The following ANGPT1 variants were observed in gnomAD, a reference collection of about 807,000 sequenced individuals.
ANGPT1 encodes the protein angiopoietin-1.
A neutral mutation model predicts 62.2 loss-of-function variants in ANGPT1; 17 were observed. That is an observed-to-expected ratio of 0.27 (90% CI 0.19 to 0.41). The LOEUF is 0.41. Ranked by LOEUF, ANGPT1 falls within the 10% of genes least tolerant of loss-of-function variation. The pLI is 1.00. For missense variants in ANGPT1, 478 were observed against 594.9 expected (o/e 0.80, Z 2.04); for synonymous variants, 199 against 198.9 (o/e 1.00, Z 0.00).
At chr8:107,290,207 G>T (rs563207122) in intron 6 of ANGPT1, among the ~76,000 whole-genome samples, 1 of 152,196 alleles carries the variant, frequency 6.6e-6, no homozygotes, top group Admixed American at 6.5e-5. Context: ...ACATGTGATG[G>T]AAATCTTATG....
intron 1 of ANGPT1, among the ~76,000 whole-genome samples, chr8:107,385,130 GTCGTTTGT>G (rs924556436): frequency 6.0e-5 from 9 of 149,338 alleles, no homozygotes; most frequent in African/African-American, 1.7e-4. Context: ...GTTTTGGAAT[GTCGTTTGT>G]TTGTTTGTTT....
At chr8:107,290,440 G>A (rs1008923525) in intron 6 of ANGPT1, among the ~76,000 whole-genome samples, 1 of 152,136 alleles carries the variant, frequency 6.6e-6, no homozygotes, top group Non-Finnish European at 1.5e-5. Context: ...CTGAAGAAGT[G>A]AGCAGGCAGT....
intron 3 of ANGPT1, among the ~76,000 whole-genome samples, chr8:107,328,351 G>A (rs1815337798): frequency 6.6e-6 from 1 of 151,774 alleles, no homozygotes; most frequent in Non-Finnish European, 1.5e-5. Flanking sequence ...TATTTGTTTG[G>A]AAATTCAAAT....
intron 2 of ANGPT1, among the ~76,000 whole-genome samples, chr8:107,338,578 T>C (rs1338483598): frequency 6.6e-6 from 1 of 152,240 alleles, no homozygotes; most frequent in Non-Finnish European, 1.5e-5. Flanking sequence ...GTCTAAAATG[T>C]ACTACTACTA....
intron 1 of ANGPT1, among the ~76,000 whole-genome samples, chr8:107,460,858 T>C (rs950380211): frequency 1.3e-5 from 2 of 152,182 alleles, no homozygotes; most frequent in Non-Finnish European, 2.9e-5. Flanking sequence ...AGAAAATTTG[T>C]GTTAATGCTC....
Position 107,497,502 on chromosome 8 carries a change from G to C in ANGPT1, c.57C>G (p.Cys19Trp). The change falls in exon 1 of 9, where the codon TGC (cysteine) becomes TGG (tryptophan). Residue 19 changes from cysteine to tryptophan, a missense_variant. Physicochemically the swap from Cys to Trp is radical, Grantham distance 215. Transcript: ENST00000517746. ...TTTCTGGACTTCGGCGCTGATTGCT[G>C]CACCCTATGTGAGTCAGAATGGCAG... Reference protein sequence around the residue: ...FLAAILTHIGCSNQRRSPENS... With the variant: ...FLAAILTHIGWSNQRRSPENS... 2 of 1,614,088 alleles carry C rather than the reference G, an allele frequency of 1.2e-6. No homozygotes were observed. The highest frequency in any genetic ancestry group is 1.3e-5 in the African/African-American group (1 of 75,020).
chr8:107,369,852 C>G (rs1202696865), intron 1 of ANGPT1, among the ~76,000 whole-genome samples: 1 of 152,030 alleles, frequency 6.6e-6, no homozygotes, highest in Non-Finnish European at 1.5e-5. Flanking sequence ...TCAATGATCT[C>G]AAAGATCACT....
chr8:107,425,063 CAG>C (rs1453237459), intron 1 of ANGPT1, among the ~76,000 whole-genome samples: 5 of 152,048 alleles, frequency 3.3e-5, no homozygotes, highest in Non-Finnish European at 7.4e-5. Context: ...TTAGTAGAGA[CAG>C]GGTTTCACCA....
At position 107,495,820 on chromosome 8, in the gene ANGPT1, A is replaced by G. The variant is rs563921594; in HGVS notation, c.297+1442T>C. On this transcript the variant is annotated intron_variant, in intron 1 of 8. Coordinates refer to ENST00000517746, the MANE Select transcript of ANGPT1 (RefSeq NM_001146.5). Reference sequence around the variant, plus strand: ...AGTAATGCATAAAATTTCAGCTACAATTGTAAAAAACCTGAGAGTTCTGTT... The same window carrying G: ...AGTAATGCATAAAATTTCAGCTACAGTTGTAAAAAACCTGAGAGTTCTGTT... Among the ~76,000 whole-genome samples the G allele has an allele frequency of 2.6e-5, 4 of 152,282 alleles. No individual in the cohort carries two copies. The South Asian group carries it at 8.3e-4, about 32-fold the overall frequency.
chr8:107,285,157 C>A (rs1814109513), intron 6 of ANGPT1, among the ~76,000 whole-genome samples: 1 of 152,070 alleles, frequency 6.6e-6, no homozygotes, highest in South Asian at 2.1e-4. Flanking sequence ...TCAAGGTTTG[C>A]TTTTGAAAAT....
At chr8:107,272,753 T>C (rs535697160) in intron 7 of ANGPT1, among the ~76,000 whole-genome samples, 20 of 150,456 alleles carry the variant, frequency 1.3e-4, no homozygotes, top group East Asian at 5.8e-4. Flanking sequence ...ATATATTATA[T>C]ATGTATGTAT....
At chr8:107,381,608 T>G (rs540308393) in intron 1 of ANGPT1, among the ~76,000 whole-genome samples, 6 of 152,298 alleles carry the variant, frequency 3.9e-5, no homozygotes, top group Admixed American at 2.6e-4. Context: ...ATTCACTCTG[T>G]TGCTTGTTTC....
chr8:107,479,554 G>A (rs1054734845), intron 1 of ANGPT1, among the ~76,000 whole-genome samples: 5 of 152,118 alleles, frequency 3.3e-5, no homozygotes, highest in Non-Finnish European at 5.9e-5. Context: ...AACAGATGGT[G>A]CTAACTCATT....
intron 4 of ANGPT1, among the ~76,000 whole-genome samples, chr8:107,321,557 C>T (rs1199685332): frequency 3.3e-5 from 5 of 152,150 alleles, no homozygotes; most frequent in Non-Finnish European, 7.4e-5. Flanking sequence ...ATTGGCTCAT[C>T]TCTGTCCTAT....
At chr8:107,431,274 T>A (rs547769797) in intron 1 of ANGPT1, among the ~76,000 whole-genome samples, 1 of 152,366 alleles carries the variant, frequency 6.6e-6, no homozygotes, top group South Asian at 2.1e-4. Context: ...CTGTGTCTAA[T>A]AAATCACCTT....
chr8:107,262,540 G>C (rs1813517369), intron 8 of ANGPT1, among the ~76,000 whole-genome samples: 1 of 152,206 alleles, frequency 6.6e-6, no homozygotes, highest in South Asian at 2.1e-4. Context: ...TGGAGTTCAA[G>C]TAAGATAGTA....
At chr8:107,409,294 A>C (rs1817211958) in intron 1 of ANGPT1, among the ~76,000 whole-genome samples, 1 of 152,190 alleles carries the variant, frequency 6.6e-6, no homozygotes, top group South Asian at 2.1e-4. Flanking sequence ...CATCAAGAAA[A>C]TATCACTCTT....
At chr8:107,421,052 A>C (rs13273596) in intron 1 of ANGPT1, among the ~76,000 whole-genome samples, 1 of 152,182 alleles carries the variant, frequency 6.6e-6, no homozygotes, top group African/African-American at 2.4e-5. Flanking sequence ...GAATTTAAAA[A>C]CATATATCCA....
intron 2 of ANGPT1, among the ~76,000 whole-genome samples, chr8:107,338,586 C>T (rs1815626003): frequency 6.6e-6 from 1 of 152,204 alleles, no homozygotes; most frequent in Non-Finnish European, 1.5e-5. Flanking sequence ...TGTACTACTA[C>T]TAATCATATT....
Sources: gnomAD v4.1 joint callset for allele counts (sites outside exome capture counted in the v4.1 genomes callset) on GRCh38, gnomAD v4.1.1 for gene constraint, MANE v1.5 for transcripts, NCBI Gene and HGNC (gene_info 2026-07-23, HGNC 2026-07-21) for gene names.